PLXDC2: variants seen among roughly 807,000 people sequenced by gnomAD.
The protein encoded by PLXDC2 is plexin domain containing 2.
In PLXDC2, 40 loss-of-function variants were observed where a neutral mutation model predicts 68.9. That is an observed-to-expected ratio of 0.58 (90% confidence interval 0.45 to 0.76). The LOEUF is 0.76. PLXDC2 is among the 30% of genes least tolerant of loss of function. The pLI is 0.00. For missense variants in PLXDC2, 644 were observed against 661.9 expected (o/e 0.97, Z 0.30); for synonymous variants, 243 against 234.2 (o/e 1.04, Z -0.34).
At chr10:19,837,826 G>A (rs1278244581) in intron 1 of PLXDC2, among the ~76,000 whole-genome samples, 5 of 152,050 alleles carry the variant, frequency 3.3e-5, no homozygotes, top group Non-Finnish European at 4.4e-5. Context: ...ATCAGCAACC[G>A]AGGCCTGTCC....
At chr10:20,202,045 G>A (rs1020204677) in intron 9 of PLXDC2, among the ~76,000 whole-genome samples, 3 of 152,008 alleles carry the variant, frequency 2.0e-5, no homozygotes, top group African/African-American at 7.2e-5. Flanking sequence ...TTTAGAGTTC[G>A]AATTATTTAT....
chr10:20,072,503 G>GAA (rs1293863504), intron 4 of PLXDC2, among the ~76,000 whole-genome samples: 1 of 86,342 alleles, frequency 1.2e-5, no homozygotes, highest in Non-Finnish European at 1.9e-5. Context: ...GAGAAAGAAA[G>GAA]AAAGAAAGAA....
At chr10:19,840,343 C>A (rs1253686897) in intron 1 of PLXDC2, among the ~76,000 whole-genome samples, 1 of 152,050 alleles carries the variant, frequency 6.6e-6, no homozygotes, top group Non-Finnish European at 1.5e-5. Flanking sequence ...AATAAGATTA[C>A]AAAACTTTCC....
intron 13 of PLXDC2, among the ~76,000 whole-genome samples, chr10:20,276,066 A>T (rs925152163): frequency 2.0e-5 from 3 of 152,222 alleles, no homozygotes; most frequent in East Asian, 1.9e-4. Context: ...GCCTCTTTCT[A>T]TTCCCTCACT....
chr10:20,088,645 G>A (rs1589623590), intron 4 of PLXDC2, among the ~76,000 whole-genome samples: 1 of 152,094 alleles, frequency 6.6e-6, no homozygotes, highest in South Asian at 2.1e-4. Flanking sequence ...GTTGGTTAAA[G>A]GGCAATCTAT....
At chr10:19,887,000 G>A (rs1438768603) in intron 1 of PLXDC2, among the ~76,000 whole-genome samples, 1 of 152,156 alleles carries the variant, frequency 6.6e-6, no homozygotes, top group African/African-American at 2.4e-5. Flanking sequence ...TAGTGTCTCA[G>A]TATTATTATG....
At chr10:20,028,315 TC>T (rs1835436706) in intron 2 of PLXDC2, among the ~76,000 whole-genome samples, 1 of 152,200 alleles carries the variant, frequency 6.6e-6, no homozygotes, top group South Asian at 2.1e-4. Context: ...GAATCACTGC[TC>T]TAGTTCAAAG....
intron 3 of PLXDC2, among the ~76,000 whole-genome samples, chr10:20,055,061 G>T (rs1487349693): frequency 6.6e-6 from 1 of 152,072 alleles, no homozygotes; most frequent in Non-Finnish European, 1.5e-5. Context: ...TGAAACACCA[G>T]CAAAATGAAA....
chr10:20,193,613 CTAT>C (rs935781178), intron 9 of PLXDC2, among the ~76,000 whole-genome samples: 1 of 152,022 alleles, frequency 6.6e-6, no homozygotes, highest in African/African-American at 2.4e-5. Context: ...ATAGCTTTTG[CTAT>C]AAATATTTTT....
chr10:19,861,567 T>G (rs1837320535), intron 1 of PLXDC2, among the ~76,000 whole-genome samples: 2 of 152,164 alleles, frequency 1.3e-5, no homozygotes, highest in Admixed American at 6.5e-5. Flanking sequence ...CATTCTCAGC[T>G]TCCCCTAAAT....
intron 4 of PLXDC2, among the ~76,000 whole-genome samples, chr10:20,101,450 G>T (rs1282388595): frequency 6.6e-6 from 1 of 152,074 alleles, no homozygotes; most frequent in East Asian, 1.9e-4. Flanking sequence ...TTCAGCTATT[G>T]TGCACTTCAT....
chr10:20,154,563 CA>C (rs368499790), intron 6 of PLXDC2, among the ~76,000 whole-genome samples: 4,656 of 136,204 alleles, frequency 0.034, 88 homozygotes, highest in South Asian at 0.091. Flanking sequence ...GACTCTGTCT[CA>C]AAAAAAAAAA....
intron 1 of PLXDC2, among the ~76,000 whole-genome samples, chr10:19,861,334 G>C (rs4748616): frequency 0.66 from 100,891 of 151,912 alleles, 34,786 homozygotes; most frequent in African/African-American, 0.86. Flanking sequence ...CGAGCCCAGC[G>C]TGCTGGATAC....
intron 1 of PLXDC2, among the ~76,000 whole-genome samples, chr10:19,899,731 G>A (rs4748623): frequency 0.2 from 30,925 of 151,980 alleles, 3,688 homozygotes; most frequent in East Asian, 0.47. Context: ...AAAGATGATA[G>A]GATACTAAAT....
chr10:20,189,358 A>G (rs1300368108), intron 9 of PLXDC2, among the ~76,000 whole-genome samples: 2 of 150,346 alleles, frequency 1.3e-5, no homozygotes, highest in Admixed American at 6.7e-5. Flanking sequence ...AGAAATACGT[A>G]TTACCATTTC....
At chr10:19,969,308 A>G (rs533794324) in intron 1 of PLXDC2, among the ~76,000 whole-genome samples, 3 of 152,344 alleles carry the variant, frequency 2.0e-5, no homozygotes, top group East Asian at 3.9e-4. Context: ...GTTTCTGTTC[A>G]GTGGAAATTA....
At chr10:19,872,927 G>A (rs1295313875) in intron 1 of PLXDC2, among the ~76,000 whole-genome samples, 2 of 152,146 alleles carry the variant, frequency 1.3e-5, no homozygotes, top group African/African-American at 2.4e-5. Context: ...GGACTGTTTG[G>A]TTCACTCCCG....
chr10:19,955,983 A>T (rs934618974), intron 1 of PLXDC2, among the ~76,000 whole-genome samples: 14 of 152,058 alleles, frequency 9.2e-5, no homozygotes, highest in Non-Finnish European at 1.5e-4. Context: ...GGAGGCTGAG[A>T]CAGGAGAATC....
chr10:19,838,709 T>C (rs1836846967), intron 1 of PLXDC2, among the ~76,000 whole-genome samples: 1 of 152,238 alleles, frequency 6.6e-6, no homozygotes. Flanking sequence ...TTTATTTTCA[T>C]GGTTATTTCA....
Sources: allele counts gnomAD v4.1 joint callset (sites outside exome capture counted in the v4.1 genomes callset), GRCh38; gene constraint gnomAD v4.1.1; transcripts MANE v1.5; gene names NCBI Gene and HGNC (gene_info 2026-07-23, HGNC 2026-07-21).